The following HCRTR2 variants were observed in gnomAD, a reference collection of about 807,000 sequenced individuals.
HCRTR2 encodes hypocretin receptor 2.
A neutral mutation model predicts 49.0 loss-of-function variants in HCRTR2; 22 were observed. The observed-to-expected ratio is 0.45, with a 90% CI of 0.32 to 0.64. The LOEUF is 0.64. Ranked by LOEUF, HCRTR2 falls within the 30% of genes least tolerant of loss-of-function variation. The pLI, the probability that HCRTR2 is intolerant of heterozygous loss-of-function variation, is 0.04. For missense variants in HCRTR2, 491 were observed against 559.4 expected (o/e 0.88, Z 1.23); for synonymous variants, 236 against 205.3 (o/e 1.15, Z -1.28).
rs56655240 is a variant in HCRTR2 at position 55,165,744 on chromosome 6, AATATATATATATATATAT to A, written c.-377-8439_-377-8422del. ...TATTTGTTAAGGGATTAGTATACAG[AATATATATATATATATAT>A]ATATATATATATATATATATATATA... On this transcript the variant is annotated intron_variant, in intron 1 of 7. Transcript: ENST00000615358. 9.5e-3 allele frequency among the ~76,000 whole-genome samples: 1,221 copies of A among 128,480 alleles called. 26 individuals carry two copies. The highest frequency in any genetic ancestry group is 0.024 in the South Asian group (96 of 4,062). 84.3% of individuals were successfully genotyped at this position (128,480 alleles called of 152,430 possible).
At chr6:55,120,455 T>C (rs1409276418) in intron 1 of HCRTR2, among the ~76,000 whole-genome samples, 1 of 152,120 alleles carries the variant, frequency 6.6e-6, no homozygotes, top group Non-Finnish European at 1.5e-5. Flanking sequence ...GCAGTTCTCG[T>C]TGAAGAAGTC....
At chr6:55,145,821 TA>T (rs1764573762) in intron 1 of HCRTR2, among the ~76,000 whole-genome samples, 1 of 152,014 alleles carries the variant, frequency 6.6e-6, no homozygotes, top group South Asian at 2.1e-4. Context: ...ACTTCTTACT[TA>T]TTTTTTTAAA....
At chr6:55,273,539 A>G (rs1767015169) in intron 4 of HCRTR2, among the ~76,000 whole-genome samples, 1 of 152,000 alleles carries the variant, frequency 6.6e-6, no homozygotes, top group Admixed American at 6.6e-5. Flanking sequence ...CGCCACCTCC[A>G]CTGATGTCTC....
chr6:55,209,092 A>G (rs1244287866), intron 1 of HCRTR2, among the ~76,000 whole-genome samples: 1 of 152,206 alleles, frequency 6.6e-6, no homozygotes, highest in African/African-American at 2.4e-5. Context: ...GGTAAATCAA[A>G]CAATGTTTTC....
intron 1 of HCRTR2, among the ~76,000 whole-genome samples, chr6:55,115,034 G>A (rs1221795116): frequency 6.6e-6 from 1 of 151,812 alleles, no homozygotes; most frequent in African/African-American, 2.4e-5. Context: ...CTGTAGTCAA[G>A]TGACAGAGAA....
chr6:55,125,251 C>A (rs927409585), intron 1 of HCRTR2, among the ~76,000 whole-genome samples: 1 of 151,970 alleles, frequency 6.6e-6, no homozygotes, highest in African/African-American at 2.4e-5. Flanking sequence ...TGGCTGGTAC[C>A]AGTTGTTTCT....
At chr6:55,234,947 T>C (rs1253669918) in intron 1 of HCRTR2, among the ~76,000 whole-genome samples, 1 of 152,064 alleles carries the variant, frequency 6.6e-6, no homozygotes, top group East Asian at 1.9e-4. Context: ...GAACCAAAAT[T>C]TCCATCAATT....
intron 1 of HCRTR2, among the ~76,000 whole-genome samples, chr6:55,232,376 C>T (rs947480596): frequency 1.3e-5 from 2 of 152,136 alleles, no homozygotes; most frequent in Non-Finnish European, 2.9e-5. Context: ...TATGCCATTG[C>T]TCTTGTTGTC....
chr6:55,255,394 G>A lies in HCRTR2; in HGVS notation c.646+15G>A, dbSNP rs781131458. ...GCGCTGGGGTGGTAAGTACCTTATG[G>A]CCCATCAACTGACATTTATATTACA... On this transcript the variant is annotated intron_variant, in intron 3 of 6. Coordinates refer to ENST00000370862, the MANE Select transcript of HCRTR2 (RefSeq NM_001384272.1). The A allele has an allele frequency of 1.2e-6, 2 of 1,613,676 alleles. No individual in the cohort carries two copies. The highest frequency in any genetic ancestry group is 8.5e-7 in the Non-Finnish European group (1 of 1,179,786).
At chr6:55,260,003 G>C (rs1249346630) in intron 3 of HCRTR2, among the ~76,000 whole-genome samples, 1 of 152,020 alleles carries the variant, frequency 6.6e-6, no homozygotes, top group Non-Finnish European at 1.5e-5. Context: ...GGATAATTTT[G>C]CTTGATCTTT....
At chr6:55,169,793 G>A (rs1401847801), upstream of HCRTR2, among the ~76,000 whole-genome samples, 1 of 151,988 alleles carries the variant, frequency 6.6e-6, no homozygotes, top group Non-Finnish European at 1.5e-5. Context: ...TACCTTCACA[G>A]AGTTTCTCAA....
At position 55,248,140 on chromosome 6, in the gene HCRTR2, C is replaced by T. The variant is rs115178451; in HGVS notation, c.224-499C>T. On this transcript the variant is annotated intron_variant, in intron 1 of 6. Transcript: ENST00000370862. The stretch of plus-strand genomic sequence containing the variant: ...ATGAACCATCTAGCTCGGTATTTGG[C>T]AATGGTAGGAGCTGAATAATTGTTA... Among the ~76,000 whole-genome samples the T allele has an allele frequency of 6.8e-3, 1,028 of 152,166 alleles. 14 individuals are homozygous for T. Among genetic ancestry groups the T allele is most frequent in the African/African-American group, 0.023 (958 of 41,516 alleles).
At chr6:55,145,893 T>G (rs1764574817) in intron 1 of HCRTR2, among the ~76,000 whole-genome samples, 1 of 152,064 alleles carries the variant, frequency 6.6e-6, no homozygotes, top group Non-Finnish European at 1.5e-5. Context: ...TAATCCTACA[T>G]TTCTACTCAT....
At chr6:55,155,192 A>AT (rs1491281177) in intron 1 of HCRTR2, among the ~76,000 whole-genome samples, 1 of 147,220 alleles carries the variant, frequency 6.8e-6, no homozygotes, top group Non-Finnish European at 1.5e-5. Flanking sequence ...CAAAATACCA[A>AT]TATTTTTTTT....
chr6:55,155,040 T>C (rs984445327), intron 1 of HCRTR2, among the ~76,000 whole-genome samples: 5 of 151,826 alleles, frequency 3.3e-5, no homozygotes, highest in African/African-American at 7.2e-5. Context: ...AAGACTTGTG[T>C]ACTGAAAACT....
At chr6:55,173,591 G>C (rs1264499701), upstream of HCRTR2, among the ~76,000 whole-genome samples, 1 of 152,152 alleles carries the variant, frequency 6.6e-6, no homozygotes, top group African/African-American at 2.4e-5. Flanking sequence ...ATGGGATGTG[G>C]TATTTACCAG....
rs535419452 is a variant in HCRTR2 at position 55,183,831 on chromosome 6, AACAAGGAAAGAAGAGAAAG to A, written c.223+9023_223+9041del. Among the ~76,000 whole-genome samples the A allele has an allele frequency of 2.6e-5, 4 of 152,326 alleles. No homozygotes were observed. The East Asian group carries it at 5.8e-4, about 22-fold the overall frequency. On this transcript the variant is annotated intron_variant, in intron 1 of 6. Coordinates refer to ENST00000370862, the MANE Select transcript of HCRTR2 (RefSeq NM_001384272.1). ...ACATAAAGTGAGAAAACGAAGGAAA[AACAAGGAAAGAAGAGAAAG>A]AAAGAATACATATTGGAAAAACTGT...
chr6:55,149,413 C>T (rs1157862279), intron 1 of HCRTR2, among the ~76,000 whole-genome samples: 1 of 152,004 alleles, frequency 6.6e-6, no homozygotes, highest in Non-Finnish European at 1.5e-5. Flanking sequence ...AAAGTGGACA[C>T]AACTGTGGGT....
intron 1 of HCRTR2, among the ~76,000 whole-genome samples, chr6:55,109,285 C>A (rs1764017414): frequency 6.6e-6 from 1 of 152,106 alleles, no homozygotes; most frequent in Non-Finnish European, 1.5e-5. Context: ...GTCAGAAAAA[C>A]AATTCCTGTG....
Sources: gnomAD v4.1 joint callset for allele counts (sites outside exome capture counted in the v4.1 genomes callset) on GRCh38, gnomAD v4.1.1 for gene constraint, MANE v1.5 for transcripts, NCBI Gene and HGNC (gene_info 2026-07-23, HGNC 2026-07-21) for gene names.